Variants in BCAS4 observed in about 807,000 individuals in gnomAD.
BCAS4 encodes breast carcinoma amplified sequence 4, also known as breast carcinoma-amplified sequence 4.
A neutral mutation model predicts 15.7 loss-of-function variants in BCAS4; 9 were observed. That is an observed-to-expected ratio of 0.57 (90% confidence interval 0.34 to 1.00). The LOEUF (loss-of-function observed/expected upper bound fraction) is 1.00, where lower values mean the gene tolerates loss of function less well. Ranked by LOEUF, BCAS4 falls within the 50% of genes least tolerant of loss-of-function variation. The pLI, the probability that BCAS4 is intolerant of heterozygous loss-of-function variation, is 0.02. For synonymous variants in BCAS4, 101 were observed against 99.5 expected, an observed-to-expected ratio of 1.02 and a Z score of -0.09; for missense variants, 225 against 239.1, an observed-to-expected ratio of 0.94 and a Z score of 0.39.
rs548765347 is a variant in BCAS4, at chr20:50,804,047, C to T, written c.90+8874C>T. Among the ~76,000 whole-genome samples the T allele has an allele frequency of 4.0e-5, 6 of 151,762 alleles. No individual in the cohort carries two copies. In the South Asian group the frequency reaches 8.3e-4, roughly 21 times the overall value. On this transcript the variant is annotated intron_variant, in intron 1 of 4. Coordinates refer to ENST00000371608, the MANE Select transcript of BCAS4 (RefSeq NM_198799.4). ...CGTGTGGGCCTGGGGATCTGGATTTCTTTTTTTTGAGATGGAGTTTCGCTC... is the reference window on the plus strand; with the variant it reads ...CGTGTGGGCCTGGGGATCTGGATTTTTTTTTTTTGAGATGGAGTTTCGCTC...
At chr20:50,873,345 C>T (rs1305443913) in intron 4 of BCAS4, among the ~76,000 whole-genome samples, 3 of 152,170 alleles carry the variant, frequency 2.0e-5, no homozygotes, top group South Asian at 4.1e-4. Context: ...CTGGCTGGGC[C>T]GAACACTGGC....
intron 4 of BCAS4, among the ~76,000 whole-genome samples, chr20:50,845,950 G>A (rs1021487879): frequency 1.3e-5 from 2 of 152,236 alleles, no homozygotes; most frequent in South Asian, 2.1e-4. Flanking sequence ...GGGCTGGCCC[G>A]AGGGGTCCGG....
intron 4 of BCAS4, among the ~76,000 whole-genome samples, chr20:50,846,084 C>A (rs542711741): frequency 2.6e-5 from 4 of 152,258 alleles, no homozygotes; most frequent in African/African-American, 9.6e-5. Context: ...ACGGAGCCAG[C>A]CTGTGCCCCA....
At chr20:50,833,851 C>T (rs1422443870) in intron 3 of BCAS4, among the ~76,000 whole-genome samples, 2 of 152,106 alleles carry the variant, frequency 1.3e-5, no homozygotes, top group African/African-American at 4.8e-5. Context: ...GGAAGCAGGC[C>T]GGGTGGGGTG....
intron 1 of BCAS4, among the ~76,000 whole-genome samples, chr20:50,810,589 GTTTT>G (rs11316235): frequency 7.4e-6 from 1 of 136,024 alleles, no homozygotes. Flanking sequence ...TTTTTTTTGT[GTTTT>G]TTTTTTTTTT....
At chr20:50,864,969 T>C (rs1979283735) in intron 4 of BCAS4, among the ~76,000 whole-genome samples, 1 of 151,992 alleles carries the variant, frequency 6.6e-6, no homozygotes, top group South Asian at 2.1e-4. Context: ...GGCGCATGCC[T>C]GTAATCCCAG....
In BCAS4 at chr20:50,858,774, G is replaced by A. The variant is rs368428225; in HGVS notation, c.399+16874G>A. On this transcript the variant is annotated intron_variant, in intron 4 of 4. Transcript: ENST00000371608. ...AGACAGTCACTCTTTCGCCCAGGCT[G>A]GAATGCAGTGACACAGATCATAGCT... 1.3e-4 allele frequency among the ~76,000 whole-genome samples: 18 copies of A among 135,506 alleles called. 1 individual carries two copies. In the South Asian group the frequency reaches 3.3e-3, roughly 25 times the overall value. 88.9% of individuals were successfully genotyped at this position (135,506 alleles called of 152,430 possible).
intron 2 of BCAS4, among the ~76,000 whole-genome samples, chr20:50,823,638 A>T (rs953072569): frequency 2.0e-5 from 3 of 152,216 alleles, no homozygotes; most frequent in African/African-American, 7.2e-5. Context: ...CCTGGGCAAC[A>T]TAGGGAGACC....
intron 3 of BCAS4, among the ~76,000 whole-genome samples, chr20:50,834,690 G>C (rs1340071401): frequency 6.6e-6 from 1 of 152,164 alleles, no homozygotes; most frequent in Non-Finnish European, 1.5e-5. Flanking sequence ...TTTCCCAAAA[G>C]ATACCACATG....
chr20:50,854,366 C>T (rs1361213870), intron 4 of BCAS4, among the ~76,000 whole-genome samples: 1 of 151,992 alleles, frequency 6.6e-6, no homozygotes, highest in African/African-American at 2.4e-5. Flanking sequence ...CTGATGTGGG[C>T]GCTGTTCTAG....
At chr20:50,858,407 G>C (rs1467769742) in intron 4 of BCAS4, among the ~76,000 whole-genome samples, 18 of 151,906 alleles carry the variant, frequency 1.2e-4, no homozygotes, top group Admixed American at 6.6e-5. Context: ...TTTGAGACCA[G>C]CCTGGCCAAC....
At chr20:50,817,705 GC>G (rs1012341244) in intron 1 of BCAS4, among the ~76,000 whole-genome samples, 39 of 152,084 alleles carry the variant, frequency 2.6e-4, no homozygotes, top group African/African-American at 8.9e-4. Flanking sequence ...CAGGTGATCC[GC>G]CCGCCTCACA....
chr20:50,858,725 ATTTT>A (rs58684022), intron 4 of BCAS4, among the ~76,000 whole-genome samples: 3 of 117,620 alleles, frequency 2.6e-5, no homozygotes, highest in Non-Finnish European at 3.3e-5. Flanking sequence ...TTTTTCTTGA[ATTTT>A]TTTTTTTTTT....
At chr20:50,830,864 G>A (rs544193544) in intron 3 of BCAS4, among the ~76,000 whole-genome samples, 2 of 151,846 alleles carry the variant, frequency 1.3e-5, no homozygotes, top group African/African-American at 2.4e-5. Context: ...CGAAAAAAAA[G>A]AATTTGTTTC....
chr20:50,812,246 C>T lies in BCAS4; in HGVS notation c.91-5965C>T, dbSNP rs563694862. Reference sequence around the variant, plus strand: ...TTCCTGGGTTCACGCCATTCTCCTGCCTCAGCCTCCCGAGTAGCTGGGACT... The same window carrying T: ...TTCCTGGGTTCACGCCATTCTCCTGTCTCAGCCTCCCGAGTAGCTGGGACT... On this transcript the variant is annotated intron_variant, in intron 1 of 4. Transcript: ENST00000371608. Among the ~76,000 whole-genome samples the T allele has an allele frequency of 1.7e-4, 26 of 151,418 alleles. No homozygotes were observed. In the South Asian group the frequency reaches 4.6e-3, roughly 27 times the overall value.
chr20:50,818,435 C>T (rs1169946122), intron 2 of BCAS4, among the ~76,000 whole-genome samples, 153 bp downstream of exon 2: 2 of 152,000 alleles, frequency 1.3e-5, no homozygotes, highest in African/African-American at 4.8e-5. Flanking sequence ...TGCAAACACT[C>T]CCTCCTCTCT....
At position 50,876,500 on chromosome 20, in the gene BCAS4, G is replaced by C. The variant is rs770581966; in HGVS notation, c.414G>C (p.Pro138=). 2.3e-5 allele frequency: 37 copies of C among 1,613,518 alleles called. 1 individual carries two copies. The highest frequency in any genetic ancestry group is 2.9e-5 in the Non-Finnish European group (34 of 1,179,770). ...LPSFRNKSPA[P]VPVTYELPTL... ...TGTCATTCCAGAAGTCACCTGCACC[G>C]GTGCCCGTGACGTACGAGCTGCCCA... Residue 138 remains proline (P), a synonymous_variant, in exon 5 of 5, where the codon CCG becomes CCC. Coordinates refer to ENST00000371608, the MANE Select transcript of BCAS4 (RefSeq NM_198799.4).
chr20:50,806,224 T>TG (rs2087987910), intron 1 of BCAS4, among the ~76,000 whole-genome samples: 1 of 152,166 alleles, frequency 6.6e-6, no homozygotes, highest in Non-Finnish European at 1.5e-5. Flanking sequence ...AATTTTCAAA[T>TG]GGGGAGTCAG....
At chr20:50,859,245 G>A (rs1028428733) in intron 4 of BCAS4, among the ~76,000 whole-genome samples, 6 of 152,150 alleles carry the variant, frequency 3.9e-5, no homozygotes. Flanking sequence ...CCTAGCCTCG[G>A]TTTTGAATAT....
Sources: allele counts gnomAD v4.1 joint callset (sites outside exome capture counted in the v4.1 genomes callset), GRCh38; gene constraint gnomAD v4.1.1; transcripts MANE v1.5; gene names NCBI Gene and HGNC (gene_info 2026-07-23, HGNC 2026-07-21).